The following BMF variants were observed in gnomAD, a reference collection of about 807,000 sequenced individuals.
BMF encodes Bcl2 modifying factor.
In BMF, 10 loss-of-function variants were observed where a neutral mutation model predicts 22.0. That is an observed-to-expected ratio of 0.45 (90% CI 0.28 to 0.77). BMF has a LOEUF of 0.77. Among genes scored for constraint, BMF ranks in the 30% least tolerant of loss-of-function variants. The pLI is 0.13. For missense variants in BMF, 206 were observed against 226.8 expected (o/e 0.91, Z 0.59); for synonymous variants, 87 against 88.1 (o/e 0.99, Z 0.07).
At position 40,087,978 on chromosome 15, in the gene BMF, A is replaced by C. The variant is rs1209193654; in HGVS notation, c.*3809T>G. On this transcript the variant is annotated 3_prime_UTR_variant, in exon 5 of 5. Transcript: ENST00000354670. ...CACACATATGCATGTGAAGAACATA[A>C]ACACATAAAGCCAAAGGCTCTGTAC... 5 of 152,372 alleles carry C rather than the reference A, an allele frequency of 3.3e-5. No homozygotes were observed. In the South Asian group the frequency reaches 1.0e-3, roughly 32 times the overall value. The allele number at this position is 152,372 out of a possible 1,614,324, so 9.4% of individuals were successfully genotyped here. A position where few individuals can be genotyped will look rare whatever the true frequency, so the allele number is the denominator to read the frequency against.
In BMF at chr15:40,105,718, G is replaced by C. The variant is rs551056773; in HGVS notation, c.292+77C>G. The stretch of plus-strand genomic sequence containing the variant: ...CACTTTGGGGGAAGGAAACAGCAAA[G>C]GGCAGGTTTGGGGAGGGAAAGTCCC... On this transcript the variant is annotated intron_variant, in intron 3 of 4. Transcript: ENST00000354670. 3.7e-5 allele frequency: 54 copies of C among 1,471,264 alleles called. No homozygotes were observed. The African/African-American group carries it at 7.0e-4, about 19-fold the overall frequency. The allele number at this position is 1,471,264 out of a possible 1,614,324, so 91.1% of individuals were successfully genotyped here.
At chr15:40,107,202 G>A (rs2036605078) in intron 2 of BMF, among the ~76,000 whole-genome samples, 1 of 152,170 alleles carries the variant, frequency 6.6e-6, no homozygotes. Flanking sequence ...GCAACCACCT[G>A]AACAGCTAAG....
At position 40,105,951 on chromosome 15, in the gene BMF, G is replaced by A. The variant is rs778760057; in HGVS notation, c.136C>T (p.Arg46Ter). ...TGGGTGAGAGGGAAGAGCTGAAGTC[G>A]GCTGAGGGGGCAGTCCAGTAGGCTC... ...AQSLLDCPLS[R>*]LQLFPLTHCC... Residue 46 changes from arginine to a stop codon, truncating the protein, a stop_gained, in exon 3 of 5, where the codon CGA (arginine) becomes TGA (stop). Coordinates refer to ENST00000354670, the MANE Select transcript of BMF (RefSeq NM_001003940.2). LOFTEE classifies it high-confidence loss of function. 10 of 1,613,990 alleles carry A rather than the reference G, an allele frequency of 6.2e-6. No homozygotes were observed. Among genetic ancestry groups the A allele is most frequent in the African/African-American group, 1.3e-5 (1 of 74,908 alleles).
intron 4 of BMF, among the ~76,000 whole-genome samples, chr15:40,097,533 C>T (rs748171378): frequency 3.3e-5 from 5 of 152,122 alleles, no homozygotes; most frequent in Non-Finnish European, 5.9e-5. Context: ...AGGTATGGGG[C>T]GATTGGACCA....
intron 4 of BMF, among the ~76,000 whole-genome samples, chr15:40,092,862 C>T (rs917479686): frequency 1.3e-5 from 2 of 151,642 alleles, no homozygotes; most frequent in Non-Finnish European, 2.9e-5. Flanking sequence ...GAGGACTGGG[C>T]GGGGGCCTCT....
Position 40,089,505 on chromosome 15 carries a change from C to T in BMF, c.*2282G>A, listed in dbSNP as rs540266090. ...GACAGTGCAGTCAGACCACCTTCCA[C>T]CTGCCCCAGGCTTGATGTTGAGGTG... On this transcript the variant is annotated 3_prime_UTR_variant, in exon 5 of 5. Transcript: ENST00000354670. 6.6e-6 allele frequency: 1 copy of T among 152,354 alleles called. No homozygotes were observed. Among genetic ancestry groups the T allele is most frequent in the African/African-American group, 2.4e-5 (1 of 41,560 alleles). The allele number at this position is 152,354 out of a possible 1,614,324, so 9.4% of individuals were successfully genotyped here.
chr15:40,105,060 A>G (rs1348138500), intron 3 of BMF, among the ~76,000 whole-genome samples: 1 of 152,200 alleles, frequency 6.6e-6, no homozygotes, highest in Non-Finnish European at 1.5e-5. Flanking sequence ...CTGCTTTGCC[A>G]GAACTGCCCT....
intron 4 of BMF, among the ~76,000 whole-genome samples, chr15:40,097,759 G>A (rs187072181): frequency 1.5e-3 from 236 of 152,342 alleles, no homozygotes; most frequent in African/African-American, 5.5e-3. Context: ...TCCCTGGGGA[G>A]CACAAGGAAA....
At chr15:40,103,935 C>T (rs2036531358) in intron 4 of BMF, among the ~76,000 whole-genome samples, 1 of 152,220 alleles carries the variant, frequency 6.6e-6, no homozygotes, top group Admixed American at 6.5e-5. Context: ...TGTAGCCTCT[C>T]CCGAGAGGGC....
rs1048232785 is a variant in BMF at position 40,091,050 on chromosome 15, C to G, written c.*737G>C. ...TGGCAGTGGCTCTGTACCTCAGGAC[C>G]AATCCTGGGGCCTCCAAGTGGGACC... is the stretch of plus-strand genomic sequence containing the variant. On this transcript the variant is annotated 3_prime_UTR_variant, in exon 5 of 5. Transcript: ENST00000354670. 5 of 152,674 alleles carry G rather than the reference C, an allele frequency of 3.3e-5. No individual in the cohort carries two copies. Among genetic ancestry groups the G allele is most frequent in the African/African-American group, 9.6e-5 (4 of 41,464 alleles). 9.5% of individuals were successfully genotyped at this position (152,674 alleles called of 1,614,324 possible).
intron 4 of BMF, among the ~76,000 whole-genome samples, chr15:40,093,480 C>T (rs760772999): frequency 1.8e-4 from 27 of 152,112 alleles, no homozygotes; most frequent in Non-Finnish European, 2.4e-4. Context: ...GGAAACACAC[C>T]CGGCTTAACA....
In BMF at chr15:40,091,773, A is replaced by AG; in HGVS notation, c.*13dup. On this transcript the variant is annotated 3_prime_UTR_variant, in exon 5 of 5. Coordinates refer to ENST00000354670, the MANE Select transcript of BMF (RefSeq NM_001003940.2). ...GGTGTTCCTGGTGCCCCATGTGAAGAGGGCAGCCCACCCTCACCTAGGGCC... is the reference window on the plus strand; with the variant it reads ...GGTGTTCCTGGTGCCCCATGTGAAGAGGGGCAGCCCACCCTCACCTAGGGCC... The AG allele has an allele frequency of 6.3e-7, 1 of 1,586,738 alleles. No individual in the cohort carries two copies. The highest frequency in any genetic ancestry group is 1.7e-5 in the Admixed American group (1 of 58,136).
chr15:40,103,875 AAG>A (rs1484931161), intron 4 of BMF, among the ~76,000 whole-genome samples: 4 of 152,270 alleles, frequency 2.6e-5, no homozygotes, highest in Admixed American at 2.6e-4. Context: ...CGGCCATAAG[AAG>A]AGACAGGTTG....
At chr15:40,103,593 C>T (rs866426692) in intron 4 of BMF, among the ~76,000 whole-genome samples, 10 of 152,334 alleles carry the variant, frequency 6.6e-5, no homozygotes, top group African/African-American at 2.2e-4. Flanking sequence ...GCTGAGCGCC[C>T]GGCTGGCCGC....
At position 40,091,706 on chromosome 15, in the gene BMF, GAC is replaced by G. The variant is rs929827870; in HGVS notation, c.*79_*80del. Reference sequence around the variant, plus strand: ...TAACAACAAAAAAACAATTTCACAAGACACAGTGTCAGTCCTGCCCGATGTCC... The same window carrying G: ...TAACAACAAAAAAACAATTTCACAAGACAGTGTCAGTCCTGCCCGATGTCC... On this transcript the variant is annotated 3_prime_UTR_variant, in exon 5 of 5. Coordinates refer to ENST00000354670, the MANE Select transcript of BMF (RefSeq NM_001003940.2). 7.7e-5 allele frequency: 77 copies of G among 1,004,304 alleles called. No homozygotes were observed. Among genetic ancestry groups the G allele is most frequent in the Non-Finnish European group, 1.0e-4 (70 of 677,404 alleles). The allele number at this position is 1,004,304 out of a possible 1,614,324, so 62.2% of individuals were successfully genotyped here.
chr15:40,093,269 A>G (rs897270628), intron 4 of BMF, among the ~76,000 whole-genome samples: 1 of 145,676 alleles, frequency 6.9e-6, no homozygotes, highest in Non-Finnish European at 1.6e-5. Context: ...CCAGGTGAAC[A>G]CGGAATGCCC....
At chr15:40,094,465 TATGGTGC>T (rs924180322) in intron 4 of BMF, among the ~76,000 whole-genome samples, 1 of 152,162 alleles carries the variant, frequency 6.6e-6, no homozygotes, top group Non-Finnish European at 1.5e-5. Context: ...AGGAAGGCTC[TATGGTGC>T]ATGGATCCCC....
chr15:40,088,005 G>C lies in BMF; in HGVS notation c.*3782C>G, dbSNP rs1049570039. The C allele has an allele frequency of 6.6e-6, 1 of 152,550 alleles. No homozygotes were observed. Among genetic ancestry groups the C allele is most frequent in the East Asian group, 1.9e-4 (1 of 5,182 alleles). The allele number at this position is 152,550 out of a possible 1,614,324, so 9.4% of individuals were successfully genotyped here. On this transcript the variant is annotated 3_prime_UTR_variant, in exon 5 of 5. Transcript: ENST00000354670. Reference sequence around the variant, plus strand: ...CACATAAAGCCAAAGGCTCTGTACAGTTTTTTAAAAAATGGGGCCCCTTTC... The same window carrying C: ...CACATAAAGCCAAAGGCTCTGTACACTTTTTTAAAAAATGGGGCCCCTTTC...
At chr15:40,097,828 G>T (rs931237127) in intron 4 of BMF, among the ~76,000 whole-genome samples, 14 of 152,126 alleles carry the variant, frequency 9.2e-5, no homozygotes, top group African/African-American at 3.4e-4. Context: ...AACAGGGCCG[G>T]CCTGGGGAGC....
Sources: allele counts gnomAD v4.1 joint callset (sites outside exome capture counted in the v4.1 genomes callset), GRCh38; gene constraint gnomAD v4.1.1; transcripts MANE v1.5; gene names NCBI Gene and HGNC (gene_info 2026-07-23, HGNC 2026-07-21).